The following FBXL7 variants were observed in gnomAD, a reference collection of about 807,000 sequenced individuals.
The protein encoded by FBXL7 is F-box and leucine rich repeat protein 7.
Under a neutral mutation model 38.3 loss-of-function variants are expected in FBXL7, and 12 were observed. That is an observed-to-expected ratio of 0.31 (90% CI 0.20 to 0.51). FBXL7 has a LOEUF of 0.51. FBXL7 is among the 20% of genes least tolerant of loss of function. The pLI is 0.98. For missense variants in FBXL7, 567 were observed against 676.4 expected (o/e 0.84, Z 1.79); for synonymous variants, 297 against 300.9 (o/e 0.99, Z 0.13).
intron 2 of FBXL7, among the ~76,000 whole-genome samples, chr5:15,844,355 C>T (rs1017531386): frequency 2.6e-5 from 4 of 152,180 alleles, no homozygotes; most frequent in African/African-American, 9.7e-5. Flanking sequence ...TGAAAACCCA[C>T]TGTGAGAGGA....
chr5:15,931,898 C>T (rs756364608), intron 3 of FBXL7, among the ~76,000 whole-genome samples: 4 of 152,128 alleles, frequency 2.6e-5, no homozygotes, highest in Admixed American at 6.5e-5. Flanking sequence ...TAGCCTTCCC[C>T]GGCTCACCCC....
chr5:15,806,749 CA>C (rs1281094713), intron 2 of FBXL7, among the ~76,000 whole-genome samples: 1 of 152,110 alleles, frequency 6.6e-6, no homozygotes, highest in East Asian at 1.9e-4. Flanking sequence ...CCACAGGAGA[CA>C]GGGGGCCCAC....
chr5:15,818,703 CGTGTGTGTGTGTGTGT>C (rs3222099), intron 2 of FBXL7, among the ~76,000 whole-genome samples: 3 of 116,842 alleles, frequency 2.6e-5, no homozygotes, highest in Non-Finnish European at 5.6e-5. Context: ...CCCATTATTT[CGTGTGTGTGTGTGTGT>C]GTGTGTGTGT....
intron 2 of FBXL7, among the ~76,000 whole-genome samples, chr5:15,641,878 A>C (rs928749093): frequency 6.6e-6 from 1 of 151,510 alleles, no homozygotes; most frequent in Admixed American, 6.6e-5. Context: ...TTCAGCCTTC[A>C]TGTTATAATA....
intron 1 of FBXL7, among the ~76,000 whole-genome samples, chr5:15,554,822 C>T (rs915530073): frequency 2.6e-5 from 4 of 152,158 alleles, no homozygotes; most frequent in Admixed American, 2.6e-4. Context: ...CCCTTTCACT[C>T]ATCTGTAGGA....
chr5:15,504,499 C>T (rs1443352774), intron 1 of FBXL7, among the ~76,000 whole-genome samples: 1 of 152,128 alleles, frequency 6.6e-6, no homozygotes, highest in Admixed American at 6.5e-5. Context: ...ATGTGTAAAT[C>T]GATAATGAGT....
At chr5:15,783,512 G>T (rs1737053770) in intron 2 of FBXL7, among the ~76,000 whole-genome samples, 1 of 152,110 alleles carries the variant, frequency 6.6e-6, no homozygotes, top group Non-Finnish European at 1.5e-5. Context: ...AGGAGAGAGG[G>T]TGATATAAAT....
At chr5:15,899,627 A>G (rs1741186691) in intron 2 of FBXL7, among the ~76,000 whole-genome samples, 1 of 152,208 alleles carries the variant, frequency 6.6e-6, no homozygotes, top group South Asian at 2.1e-4. Context: ...GAGAACAACC[A>G]TATCAATGCC....
chr5:15,647,077 G>GGTT (rs1055140091), intron 2 of FBXL7, among the ~76,000 whole-genome samples: 2 of 152,088 alleles, frequency 1.3e-5, no homozygotes, highest in African/African-American at 2.4e-5. Context: ...TATTAGATTT[G>GGTT]GTTAACTTTA....
At chr5:15,649,731 G>A (rs1741645183) in intron 2 of FBXL7, among the ~76,000 whole-genome samples, 1 of 149,552 alleles carries the variant, frequency 6.7e-6, no homozygotes. Flanking sequence ...TGTCACCTCA[G>A]TGCCCATCTT....
intron 2 of FBXL7, among the ~76,000 whole-genome samples, chr5:15,800,396 A>G (rs771899267): frequency 2.0e-5 from 3 of 152,234 alleles, no homozygotes; most frequent in Non-Finnish European, 2.9e-5. Context: ...CTGTCTTCAT[A>G]AATGAAGAAC....
Position 15,757,540 on chromosome 5 carries a change from A to G in FBXL7, c.127+141468A>G, listed in dbSNP as rs544809829. 1.2e-4 allele frequency among the ~76,000 whole-genome samples: 16 copies of G among 134,608 alleles called. No individual in the cohort carries two copies. The South Asian group carries it at 3.5e-3, about 29-fold the overall frequency. 88.3% of individuals were successfully genotyped at this position (134,608 alleles called of 152,430 possible). On this transcript the variant is annotated intron_variant, in intron 2 of 3. Transcript: ENST00000504595. ...ACTCTGTAGATTTTATTTTCTCAGG[A>G]AAAAAAAAAAAAAAGATTTGTTTCC...
chr5:15,770,246 C>A (rs2126709691), intron 2 of FBXL7, among the ~76,000 whole-genome samples: 1 of 152,272 alleles, frequency 6.6e-6, no homozygotes, highest in South Asian at 2.1e-4. Flanking sequence ...TCCGTAGGGC[C>A]CCAGTGTGCC....
rs563974795 is a variant in FBXL7, at chr5:15,547,859, G to A, written c.37+47146G>A. On this transcript the variant is annotated intron_variant, in intron 1 of 3. Transcript: ENST00000504595. ...AGAAGGGGATAGAACTAAGTCCACG[G>A]TTACCTGGAGGATTGTCCTTTGCTG... Among the ~76,000 whole-genome samples, 101 of 152,308 alleles carry A rather than the reference G, an allele frequency of 6.6e-4. 1 individual carries two copies. In the Middle Eastern group the frequency reaches 0.027, roughly 41 times the overall value.
intron 2 of FBXL7, among the ~76,000 whole-genome samples, chr5:15,632,160 T>G (rs1193061231): frequency 6.6e-6 from 1 of 152,230 alleles, no homozygotes; most frequent in Non-Finnish European, 1.5e-5. Flanking sequence ...TTTGTTACTG[T>G]GTATTGTTAA....
chr5:15,777,263 C>T (rs891695941), intron 2 of FBXL7, among the ~76,000 whole-genome samples: 5 of 152,038 alleles, frequency 3.3e-5, no homozygotes, highest in African/African-American at 1.2e-4. Flanking sequence ...TGTTTTCACT[C>T]TACAATATGA....
At chr5:15,813,007 T>G (rs1431323798) in intron 2 of FBXL7, among the ~76,000 whole-genome samples, 1 of 152,218 alleles carries the variant, frequency 6.6e-6, no homozygotes, top group African/African-American at 2.4e-5. Flanking sequence ...CTGAAGATGC[T>G]TATCAGCTTA....
chr5:15,924,897 G>T (rs1000147710), intron 2 of FBXL7, among the ~76,000 whole-genome samples: 1 of 152,198 alleles, frequency 6.6e-6, no homozygotes, highest in Non-Finnish European at 1.5e-5. Context: ...AAAGGGCTGG[G>T]ATTATAGGCA....
chr5:15,531,166 A>C (rs1737411591), intron 1 of FBXL7, among the ~76,000 whole-genome samples: 1 of 152,226 alleles, frequency 6.6e-6, no homozygotes, highest in African/African-American at 2.4e-5. Flanking sequence ...AGACTTGATA[A>C]ATTCAGTATA....
Sources: allele counts gnomAD v4.1 joint callset (sites outside exome capture counted in the v4.1 genomes callset), GRCh38; gene constraint gnomAD v4.1.1; transcripts MANE v1.5; gene names NCBI Gene and HGNC (gene_info 2026-07-23, HGNC 2026-07-21).